Variants in TLE4 observed in about 807,000 individuals in gnomAD.
The protein encoded by TLE4 is TLE family member 4, transcriptional corepressor.
Under a neutral mutation model 92.8 loss-of-function variants are expected in TLE4, and 8 were observed. The observed-to-expected ratio is 0.09, with a 90% CI of 0.05 to 0.16. The LOEUF is 0.16. Ranked by LOEUF, TLE4 falls within the 10% of genes least tolerant of loss-of-function variation. The pLI is 1.00. For synonymous variants in TLE4, 371 were observed against 374.1 expected (o/e 0.99, Z 0.10); for missense variants, 675 against 997.6 (o/e 0.68, Z 4.36).
intron 19 of TLE4, 59 bp downstream of exon 19, chr9:79,723,094 C>A: frequency 6.7e-7 from 1 of 1,487,960 alleles, no homozygotes; most frequent in Non-Finnish European, 9.4e-7. Flanking sequence ...TCTGTGCATT[C>A]TCTCAGATTA....
At chr9:79,673,386 G>A (rs1396028763) in intron 8 of TLE4, among the ~76,000 whole-genome samples, 1 of 152,146 alleles carries the variant, frequency 6.6e-6, no homozygotes, top group Non-Finnish European at 1.5e-5. Context: ...AATATTGAAT[G>A]TAACCCAATT....
chr9:79,704,658 C>T, intron 8 of TLE4, 125 bp from the exon 9 acceptor site: 1 of 1,321,050 alleles, frequency 7.6e-7, no homozygotes, highest in Non-Finnish European at 1.0e-6. Context: ...CTCCTATCTC[C>T]TCTTAACAGC....
intron 6 of TLE4, among the ~76,000 whole-genome samples, chr9:79,633,280 G>A (rs1422513440): frequency 6.6e-6 from 1 of 152,102 alleles, no homozygotes; most frequent in East Asian, 1.9e-4. Context: ...TGCTTGTGAT[G>A]TGCTCTCCGT....
Position 79,704,819 on chromosome 9 carries a change from G to T in TLE4, c.646G>T (p.Ala216Ser), listed in dbSNP as rs370629763. 7 of 1,614,160 alleles carry T rather than the reference G, an allele frequency of 4.3e-6. No homozygotes were observed. Among genetic ancestry groups the T allele is most frequent in the Non-Finnish European group, 5.9e-6 (7 of 1,180,026 alleles). Residue 216 changes from alanine to serine, a missense_variant, in exon 9 of 20, where the codon GCT (alanine) becomes TCT (serine). Coordinates refer to ENST00000376552, the MANE Select transcript of TLE4 (RefSeq NM_007005.6). ...SVSPSASFRG[A>S]EKHRNSADYS... ...ATCCCCATCAGCCAGTTTCCGAGGT[G>T]CTGAGAAGCACAGAAACTCCGCAGA...
chr9:79,657,515 T>G (rs1365213799), intron 8 of TLE4, among the ~76,000 whole-genome samples: 1 of 152,092 alleles, frequency 6.6e-6, no homozygotes, highest in Admixed American at 6.5e-5. Context: ...AGAGGGGACA[T>G]TCCCTTGTGC....
At chr9:79,662,375 T>C (rs915554116) in intron 8 of TLE4, among the ~76,000 whole-genome samples, 1 of 152,230 alleles carries the variant, frequency 6.6e-6, no homozygotes, top group African/African-American at 2.4e-5. Flanking sequence ...GAGAAGCCAG[T>C]AGGCTTATAT....
rs996492489 is a variant in TLE4 at position 79,627,528 on chromosome 9, G to A, written c.390+80G>A. ...GCTCTCTCTTTTTACATTTTGTTCCGCCAAAGGGGCAAAAAGCAATAGATG... is the reference window on the plus strand; with the variant it reads ...GCTCTCTCTTTTTACATTTTGTTCCACCAAAGGGGCAAAAAGCAATAGATG... On this transcript the variant is annotated intron_variant, in intron 6 of 19. Coordinates refer to ENST00000376552, the MANE Select transcript of TLE4 (RefSeq NM_007005.6). The A allele has an allele frequency of 3.2e-5, 45 of 1,407,732 alleles. 1 individual carries two copies. In the Admixed American group the frequency reaches 6.6e-4, roughly 20 times the overall value. The allele number at this position is 1,407,732 out of a possible 1,614,324, so 87.2% of individuals were successfully genotyped here.
chr9:79,622,690 C>A (rs965393625), intron 5 of TLE4, among the ~76,000 whole-genome samples: 5 of 152,250 alleles, frequency 3.3e-5, no homozygotes, highest in Middle Eastern at 3.4e-3. Context: ...CTTACTCTAA[C>A]CTTAGTATCT....
intron 8 of TLE4, 157 bp from the exon 9 acceptor site, chr9:79,704,626 T>C (rs2070984363): frequency 2.1e-6 from 2 of 931,128 alleles, no homozygotes; most frequent in Non-Finnish European, 1.6e-6. Context: ...CCCTGTTTTC[T>C]TCCTTTCGTC....
At chr9:79,701,963 A>G (rs1367540605) in intron 8 of TLE4, among the ~76,000 whole-genome samples, 3 of 152,260 alleles carry the variant, frequency 2.0e-5, no homozygotes, top group Admixed American at 1.3e-4. Context: ...TAAGGGAACA[A>G]AGAGGAATGA....
chr9:79,707,209 G>A (rs1353077816), intron 11 of TLE4: 4 of 1,612,464 alleles, frequency 2.5e-6, no homozygotes, highest in African/African-American at 1.3e-5. Flanking sequence ...TTTGTCGCCT[G>A]TGGTTTATGG....
chr9:79,682,595 A>C (rs1192500510), intron 8 of TLE4, among the ~76,000 whole-genome samples: 1 of 152,190 alleles, frequency 6.6e-6, no homozygotes, highest in African/African-American at 2.4e-5. Flanking sequence ...AGGAATGTTC[A>C]GGCAGGTGTT....
At chr9:79,602,090 A>G (rs1008126090) in intron 4 of TLE4, among the ~76,000 whole-genome samples, 14 of 152,224 alleles carry the variant, frequency 9.2e-5, no homozygotes, top group Admixed American at 2.0e-4. Flanking sequence ...CTTCAATTCT[A>G]TGAAGGCTGA....
intron 6 of TLE4, among the ~76,000 whole-genome samples, chr9:79,641,521 G>T (rs1025437724): frequency 6.6e-6 from 1 of 152,134 alleles, no homozygotes; most frequent in African/African-American, 2.4e-5. Context: ...TTGCTCACTG[G>T]ATTCTCACTA....
At chr9:79,700,387 TA>T (rs1401828228) in intron 8 of TLE4, among the ~76,000 whole-genome samples, 4 of 152,204 alleles carry the variant, frequency 2.6e-5, no homozygotes, top group Non-Finnish European at 5.9e-5. Flanking sequence ...GTCTTTCTCA[TA>T]CATTGTCATC....
At chr9:79,689,289 A>T (rs971752007) in intron 8 of TLE4, among the ~76,000 whole-genome samples, 2 of 151,360 alleles carry the variant, frequency 1.3e-5, no homozygotes, top group African/African-American at 4.9e-5. Context: ...TCTCAGGTCA[A>T]TTTCCCTGTG....
At chr9:79,650,163 G>A (rs752842616) in intron 6 of TLE4, among the ~76,000 whole-genome samples, 4 of 152,004 alleles carry the variant, frequency 2.6e-5, no homozygotes, top group Non-Finnish European at 4.4e-5. Flanking sequence ...TGATCTGACC[G>A]CCTCAACTTC....
intron 16 of TLE4, 128 bp downstream of exon 16, chr9:79,720,421 T>TAAA: frequency 6.9e-6 from 7 of 1,007,230 alleles, no homozygotes; most frequent in African/African-American, 1.8e-5. Flanking sequence ...TGTGTGTGTG[T>TAAA]GTGTAAAGTG....
chr9:79,598,088 A>AC (rs561656247), intron 4 of TLE4, among the ~76,000 whole-genome samples: 76 of 150,444 alleles, frequency 5.1e-4, no homozygotes, highest in African/African-American at 1.8e-3. Context: ...AAAAAAAAAA[A>AC]AAAAAAAAAA....
Sources: gnomAD v4.1 joint callset for allele counts (sites outside exome capture counted in the v4.1 genomes callset) on GRCh38, gnomAD v4.1.1 for gene constraint, MANE v1.5 for transcripts, NCBI Gene and HGNC (gene_info 2026-07-23, HGNC 2026-07-21) for gene names.